CEP135: variants seen among roughly 807,000 people sequenced by gnomAD.
CEP135 encodes the protein centrosomal protein of 135 kDa.
Under a neutral mutation model 157.3 loss-of-function variants are expected in CEP135, and 142 were observed. The observed-to-expected ratio is 0.90, with a 90% CI of 0.79 to 1.04. The LOEUF (loss-of-function observed/expected upper bound fraction) is 1.04, where lower values mean the gene tolerates loss of function less well. CEP135 is among the 50% of genes least tolerant of loss of function. CEP135 has a pLI of 0.00. For missense variants in CEP135, 1,317 were observed against 1,309.2 expected (o/e 1.01, Z -0.09); for synonymous variants, 396 against 439.8 (o/e 0.90, Z 1.25).
chr4:56,011,559 GTT>G (rs371011577), intron 20 of CEP135, 37 bp downstream of exon 20: 650 of 1,145,888 alleles, frequency 5.7e-4, no homozygotes, highest in Admixed American at 1.2e-3. Flanking sequence ...TAAGACTGAG[GTT>G]TTTTTTTTTT....
At chr4:56,022,467 G>A (rs747043668) in intron 24 of CEP135, among the ~76,000 whole-genome samples, 1 of 152,190 alleles carries the variant, frequency 6.6e-6, no homozygotes, top group Non-Finnish European at 1.5e-5. Flanking sequence ...AGGGCCACAG[G>A]ACATAAGCAG....
chr4:56,022,896 G>A (rs1432891189), intron 24 of CEP135, among the ~76,000 whole-genome samples: 1 of 152,104 alleles, frequency 6.6e-6, no homozygotes, highest in Non-Finnish European at 1.5e-5. Context: ...AGGAATTTAA[G>A]ACCAGCCTGG....
rs185467477 is a variant in CEP135, at chr4:56,020,530, A to G, written c.3216-146A>G. The G allele has an allele frequency of 3.4e-3, 2,227 of 652,754 alleles. 7 individuals carry two copies. Among genetic ancestry groups the G allele is most frequent in the Non-Finnish European group, 4.8e-3 (1,772 of 372,400 alleles). The allele number at this position is 652,754 out of a possible 1,614,324, so 40.4% of individuals were successfully genotyped here. Reference sequence around the variant, plus strand: ...GTTTCATAAATAAACTAAATGAATGAAAAAGAAAATGTGATAAAAGCTCTA... The same window carrying G: ...GTTTCATAAATAAACTAAATGAATGGAAAAGAAAATGTGATAAAAGCTCTA... On this transcript the variant is annotated intron_variant, in intron 23 of 25. Coordinates refer to ENST00000257287, the MANE Select transcript of CEP135 (RefSeq NM_025009.5).
chr4:56,008,755 G>A (rs1305396988), intron 18 of CEP135, among the ~76,000 whole-genome samples: 1 of 152,112 alleles, frequency 6.6e-6, no homozygotes, highest in African/African-American at 2.4e-5. Context: ...TACATTTTAT[G>A]TATAGTCTCT....
intron 21 of CEP135, 27 bp downstream of exon 21, chr4:56,012,012 A>G (rs376327275): frequency 9.8e-6 from 13 of 1,322,190 alleles, no homozygotes; most frequent in Admixed American, 2.8e-5. Context: ...TTTTGTAAAG[A>G]TGTTATTTAG....
intron 13 of CEP135, among the ~76,000 whole-genome samples, chr4:55,982,590 C>G (rs910616790): frequency 3.9e-5 from 6 of 152,098 alleles, no homozygotes; most frequent in Non-Finnish European, 7.4e-5. Flanking sequence ...AACATCTGTT[C>G]AGATTCGTTG....
chr4:55,962,778 A>T (rs1728724074), intron 6 of CEP135, among the ~76,000 whole-genome samples: 2 of 125,928 alleles, frequency 1.6e-5, no homozygotes, highest in South Asian at 2.4e-4. Context: ...CTGAAATATT[A>T]CTGTTTTCTT....
At chr4:56,025,267 A>G (rs1577917949) in intron 25 of CEP135, among the ~76,000 whole-genome samples, 1 of 152,320 alleles carries the variant, frequency 6.6e-6, no homozygotes, top group Admixed American at 6.5e-5. Flanking sequence ...AGGCTGGTCC[A>G]TGCATTTTAT....
At chr4:56,018,561 C>CTG in intron 22 of CEP135, among the ~76,000 whole-genome samples, 1 of 152,096 alleles carries the variant, frequency 6.6e-6, no homozygotes, top group South Asian at 2.1e-4. Context: ...AGTTTGAAAC[C>CTG]AGCCTGGATA....
Position 55,992,097 on chromosome 4 carries a change from C to T in CEP135, c.2009+12C>T, listed in dbSNP as rs888133351. On this transcript the variant is annotated intron_variant, in intron 15 of 25. Coordinates refer to ENST00000257287, the MANE Select transcript of CEP135 (RefSeq NM_025009.5). ...GTGAACTCACTTAGGTAAGTTTATT[C>T]AAAATTTTCTAATTTCATTTCTGGG... is the stretch of plus-strand genomic sequence containing the variant. 2.5e-6 allele frequency: 4 copies of T among 1,583,670 alleles called. No individual in the cohort carries two copies. The Admixed American group carries it at 7.9e-5, about 31-fold the overall frequency.
At chr4:55,978,999 T>A (rs1729313620) in intron 11 of CEP135, among the ~76,000 whole-genome samples, 1 of 152,216 alleles carries the variant, frequency 6.6e-6, no homozygotes, top group Non-Finnish European at 1.5e-5. Flanking sequence ...CATGCCTCGG[T>A]TTTGCTTATT....
In CEP135 at chr4:55,999,194, C is replaced by A. The variant is rs61098985; in HGVS notation, c.2010-108C>A. 4,473 of 826,640 alleles carry A rather than the reference C, an allele frequency of 5.4e-3. 147 individuals are homozygous for A. The African/African-American group carries it at 0.072, about 13-fold the overall frequency. 51.2% of individuals were successfully genotyped at this position (826,640 alleles called of 1,614,324 possible). ...GGAGGAGCTTTAAAATAAAAAATAG[C>A]AAACTTTAAAAATAAGACATCAAAA... is the stretch of plus-strand genomic sequence containing the variant. On this transcript the variant is annotated intron_variant, in intron 15 of 25. Coordinates refer to ENST00000257287, the MANE Select transcript of CEP135 (RefSeq NM_025009.5).
chr4:55,996,204 C>G (rs1221295987), intron 15 of CEP135, among the ~76,000 whole-genome samples: 1 of 152,118 alleles, frequency 6.6e-6, no homozygotes, highest in African/African-American at 2.4e-5. Context: ...TCACTGAAAC[C>G]TTGACCTCCT....
At chr4:55,965,881 T>G in intron 8 of CEP135, 22 bp downstream of exon 8, 1 of 1,568,664 alleles carries the variant, frequency 6.4e-7, no homozygotes, top group Non-Finnish European at 8.8e-7. Context: ...TATGTGTAGA[T>G]TGTGAGAGTG....
At chr4:55,970,485 A>G (rs375560895) in intron 9 of CEP135, among the ~76,000 whole-genome samples, 312 of 152,342 alleles carry the variant, frequency 2.0e-3, no homozygotes, top group African/African-American at 7.3e-3. Context: ...TATACTTTTT[A>G]TACAGTCTAG....
intron 24 of CEP135, among the ~76,000 whole-genome samples, chr4:56,021,867 A>C (rs552700628): frequency 9.2e-5 from 14 of 152,274 alleles, no homozygotes; most frequent in African/African-American, 3.4e-4. Context: ...CTCTACAAAA[A>C]AATTTTTGAA....
chr4:55,956,068 G>A (rs1728493651), intron 4 of CEP135, among the ~76,000 whole-genome samples: 1 of 152,154 alleles, frequency 6.6e-6, no homozygotes, highest in Non-Finnish European at 1.5e-5. Context: ...AAGAAACTGA[G>A]GAGCCACCAA....
intron 9 of CEP135, 113 bp from the exon 10 acceptor site, chr4:55,971,157 C>G (rs1729013563): frequency 1.5e-6 from 1 of 685,676 alleles, no homozygotes; most frequent in African/African-American, 1.9e-5. Context: ...TATATGTACA[C>G]ACACGTATAT....
intron 22 of CEP135, 35 bp from the exon 23 acceptor site, chr4:56,019,318 T>A (rs1730888779): frequency 6.6e-7 from 1 of 1,515,346 alleles, no homozygotes; most frequent in African/African-American, 1.4e-5. Flanking sequence ...AGTTTAAAAT[T>A]GTACTGAAGT....
Sources: gnomAD v4.1 joint callset for allele counts (sites outside exome capture counted in the v4.1 genomes callset) on GRCh38, gnomAD v4.1.1 for gene constraint, MANE v1.5 for transcripts, NCBI Gene and HGNC (gene_info 2026-07-23, HGNC 2026-07-21) for gene names.